The following NUP210 variants were observed in gnomAD, a reference collection of about 807,000 sequenced individuals.
NUP210 encodes nuclear pore membrane glycoprotein 210.
NUP210 carries 151 observed loss-of-function variants against 196.0 expected under a neutral mutation model. That is an observed-to-expected ratio of 0.77 (90% confidence interval 0.67 to 0.88). The LOEUF is 0.88. NUP210 is among the 40% of genes least tolerant of loss of function. NUP210 has a pLI of 0.00. For missense variants in NUP210, 2,314 were observed against 2,493.7 expected (o/e 0.93, Z 1.53); for synonymous variants, 1,070 against 1,052.7 (o/e 1.02, Z -0.32).
intron 12 of NUP210, 121 bp downstream of exon 12, chr3:13,373,597 C>T: frequency 1.1e-6 from 1 of 944,792 alleles, no homozygotes. Flanking sequence ...GGGGCTTGAG[C>T]TCCTAAGTAC....
At chr3:13,333,775 T>C (rs759386243) in intron 28 of NUP210, among the ~76,000 whole-genome samples, 5 of 152,168 alleles carry the variant, frequency 3.3e-5, no homozygotes, top group Non-Finnish European at 7.3e-5. Context: ...GGTAAATACA[T>C]TCATAAATAG....
chr3:13,399,188 C>T (rs1699757940), intron 2 of NUP210, among the ~76,000 whole-genome samples: 1 of 150,638 alleles, frequency 6.6e-6, no homozygotes, highest in African/African-American at 2.5e-5. Flanking sequence ...ATCACTTGAA[C>T]CCAGGAGGCG....
Position 13,371,917 on chromosome 3 carries a change from C to T in NUP210, c.1703G>A (p.Ser568Asn), listed in dbSNP as rs755976437. 2 of 1,609,012 alleles carry T rather than the reference C, an allele frequency of 1.2e-6. No individual in the cohort carries two copies. Among genetic ancestry groups the T allele is most frequent in the Non-Finnish European group, 1.7e-6 (2 of 1,178,016 alleles). ...GCAGTCGCTCAAGGTGACCACCTCA[C>T]TGGCCCCGCCGGGCATGAGGCCACT... ...RISGLMPGGASEVVTLSDCSH... is the reference protein window; with the variant it reads ...RISGLMPGGANEVVTLSDCSH... The change falls in exon 13 of 40, where the codon AGT becomes AAT. Residue 568 changes from serine to asparagine, a missense_variant. Coordinates refer to ENST00000254508, the MANE Select transcript of NUP210 (RefSeq NM_024923.4).
intron 1 of NUP210, among the ~76,000 whole-genome samples, chr3:13,414,406 G>T (rs1700276849): frequency 6.6e-6 from 1 of 152,232 alleles, no homozygotes; most frequent in South Asian, 2.1e-4. Flanking sequence ...GCCTGGTGAA[G>T]GGAGTTGAGC....
Position 13,351,872 on chromosome 3 carries a change from A to G in NUP210, c.2835+7T>C, listed in dbSNP as rs955576085. On this transcript the variant is annotated splice_region_variant and intron_variant, in intron 20 of 39. Coordinates refer to ENST00000254508, the MANE Select transcript of NUP210 (RefSeq NM_024923.4). ...ACCAACAGTGGGGACCGATGGCCCA[A>G]GCTTACCATGGCGACACCCCTGGCC... 1.8e-5 allele frequency: 29 copies of G among 1,599,936 alleles called. No homozygotes were observed. The highest frequency in any genetic ancestry group is 2.5e-5 in the Non-Finnish European group (29 of 1,167,342).
At chr3:13,361,408 ATGGCCTCC>A (rs1278592573) in intron 14 of NUP210, among the ~76,000 whole-genome samples, 7 of 152,216 alleles carry the variant, frequency 4.6e-5, no homozygotes, top group Non-Finnish European at 8.8e-5. Flanking sequence ...CCAGGGCCCC[ATGGCCTCC>A]TGGTGTGGGC....
In NUP210 at chr3:13,324,757, T is replaced by C. The variant is rs116679361; in HGVS notation, c.4644+1038A>G. On this transcript the variant is annotated intron_variant, in intron 33 of 39. Transcript: ENST00000254508. Reference sequence around the variant, plus strand: ...AACCTCTGCAAACACAGCCTTGGTCTATAGCACTGTTTAAAAAACTCCACT... The same window carrying C: ...AACCTCTGCAAACACAGCCTTGGTCCATAGCACTGTTTAAAAAACTCCACT... Among the ~76,000 whole-genome samples, 135 of 152,306 alleles carry C rather than the reference T, an allele frequency of 8.9e-4. 1 individual carries two copies. Among genetic ancestry groups the C allele is most frequent in the African/African-American group, 3.2e-3 (135 of 41,546 alleles).
At chr3:13,369,767 G>C (rs1698663877) in intron 13 of NUP210, among the ~76,000 whole-genome samples, 2 of 152,202 alleles carry the variant, frequency 1.3e-5, no homozygotes, top group Non-Finnish European at 1.5e-5. Context: ...TATTCTGTAA[G>C]TCTGTCTATG....
At position 13,376,438 on chromosome 3, in the gene NUP210, G is replaced by A; in HGVS notation, c.1153-7C>T. 1.2e-6 allele frequency: 2 copies of A among 1,614,192 alleles called. No homozygotes were observed. Among genetic ancestry groups the A allele is most frequent in the South Asian group, 2.2e-5 (2 of 91,084 alleles). On this transcript the variant is annotated splice_polypyrimidine_tract_variant and splice_region_variant and intron_variant, in intron 9 of 39. Transcript: ENST00000254508. ...CAGTTTCAATTCGGATGTTCTGGAA[G>A]GTGAGGCAGGACAGGAGAGAGGTGC... is the stretch of plus-strand genomic sequence containing the variant.
Position 13,337,841 on chromosome 3 carries a change from G to GTGCC in NUP210, c.3544_3547dup (p.Thr1183ArgfsTer96). The stretch of plus-strand genomic sequence containing the variant: ...GAGCCCAGGAGGTCCCCTCACCTGG[G>GTGCC]TGCCCGTCCTCATCCGCATGATGGG... On this transcript the variant is annotated frameshift_variant, in exon 26 of 40. Coordinates refer to ENST00000254508, the MANE Select transcript of NUP210 (RefSeq NM_024923.4). LOFTEE classifies it high-confidence loss of function. 6.2e-7 allele frequency: 1 copy of GTGCC among 1,610,172 alleles called. No individual in the cohort carries two copies. The highest frequency in any genetic ancestry group is 8.5e-7 in the Non-Finnish European group (1 of 1,179,210).
intron 33 of NUP210, among the ~76,000 whole-genome samples, chr3:13,324,397 C>T (rs1171535142): frequency 6.6e-6 from 1 of 152,170 alleles, no homozygotes; most frequent in Admixed American, 6.5e-5. Flanking sequence ...GTGCTCCTGC[C>T]GCACCCACCC....
chr3:13,347,358 C>T lies in NUP210; in HGVS notation c.2836-4055G>A, dbSNP rs1439310403. On this transcript the variant is annotated intron_variant, in intron 20 of 39. Coordinates refer to ENST00000254508, the MANE Select transcript of NUP210 (RefSeq NM_024923.4). This position sits in a 1 kb window ranked among gnomAD's most constrained non-coding sequence, Gnocchi z 4.7. ...CCTGCTCTGGTCATCTCATGGGTTC[C>T]GCCTAGAGGACTTGATTGAAATGTA... 2.1e-5 allele frequency: 21 copies of T among 983,186 alleles called. No individual in the cohort carries two copies. The highest frequency in any genetic ancestry group is 6.1e-5 in the Admixed American group (1 of 16,272). 60.9% of individuals were successfully genotyped at this position (983,186 alleles called of 1,614,324 possible). A position where few individuals can be genotyped will look rare whatever the true frequency, so the allele number is the denominator to read the frequency against.
chr3:13,416,978 T>C (rs987856797), intron 1 of NUP210, among the ~76,000 whole-genome samples: 1 of 152,256 alleles, frequency 6.6e-6, no homozygotes, highest in Non-Finnish European at 1.5e-5. Flanking sequence ...GTTTTGTATA[T>C]ACCTTTAAAA....
At position 13,325,858 on chromosome 3, in the gene NUP210, G is replaced by C; in HGVS notation, c.4581C>G (p.Ala1527=). ...HIDPKTGVAV[A]RAVGSVTVYY... is the part of the protein sequence containing the mutation. ...AAACCGTCACGGATCCCACGGCCCGGGCCACAGCCACACCCGTCTTGGGGT... is the reference window on the plus strand; with the variant it reads ...AAACCGTCACGGATCCCACGGCCCGCGCCACAGCCACACCCGTCTTGGGGT... The change falls in exon 33 of 40, where the codon GCC becomes GCG. Residue 1527 remains alanine (A), a synonymous_variant. Transcript: ENST00000254508. 1 of 1,614,000 alleles carries C rather than the reference G, an allele frequency of 6.2e-7. No individual in the cohort carries two copies. Among genetic ancestry groups the C allele is most frequent in the African/African-American group, 1.3e-5 (1 of 75,062 alleles).
rs771194354 is a variant in NUP210 at position 13,343,294 on chromosome 3, A to G, written c.2845T>C (p.Leu949=). Residue 949 remains leucine (L), a synonymous_variant, in exon 21 of 40, where the codon TTG becomes CTG. Transcript: ENST00000254508. The part of the protein sequence containing the change: ...EARGVAMVHP[L]LPGSSTIMIH... ...ATGATGGTGGATGAGCCCGGGAGCA[A>G]AGGGTGCACCTGCAAGGTTGGGGCG... 4.3e-6 allele frequency: 6 copies of G among 1,394,286 alleles called. No individual in the cohort carries two copies. The highest frequency in any genetic ancestry group is 7.4e-5 in the East Asian group (2 of 26,974). 86.4% of individuals were successfully genotyped at this position (1,394,286 alleles called of 1,614,324 possible).
intron 31 of NUP210, among the ~76,000 whole-genome samples, chr3:13,327,882 A>AC (rs1696835007): frequency 6.6e-6 from 1 of 152,210 alleles, no homozygotes; most frequent in African/African-American, 2.4e-5. Flanking sequence ...CGTGACCGTG[A>AC]CGCAGGCCTG....
At chr3:13,361,895 C>T (rs1029047529) in intron 14 of NUP210, among the ~76,000 whole-genome samples, 24 of 152,142 alleles carry the variant, frequency 1.6e-4, no homozygotes, top group Admixed American at 9.2e-4. Context: ...CCCAGGCCTT[C>T]GAAGAGGCTA....
chr3:13,339,763 G>A (rs1697382902), intron 25 of NUP210, 91 bp downstream of exon 25: 1 of 1,191,560 alleles, frequency 8.4e-7, no homozygotes, highest in African/African-American at 1.5e-5. Context: ...CACCCTTGGA[G>A]AGGGGTGGTC....
At chr3:13,388,214 C>G in intron 5 of NUP210, 89 bp downstream of exon 5, 3 of 963,628 alleles carry the variant, frequency 3.1e-6, no homozygotes, top group Non-Finnish European at 4.6e-6. Flanking sequence ...ATTCAACGTG[C>G]CTATAGGTGT....
Sources: gnomAD v4.1 joint callset for allele counts (sites outside exome capture counted in the v4.1 genomes callset) on GRCh38, gnomAD v4.1.1 for gene constraint, Gnocchi (gnomAD v3.1) non-coding constraint, MANE v1.5 for transcripts, NCBI Gene and HGNC (gene_info 2026-07-23, HGNC 2026-07-21) for gene names.